Variants in TBL1XR1 observed in about 807,000 individuals in gnomAD.
The protein encoded by TBL1XR1 is F-box-like/WD repeat-containing protein TBL1XR1.
A neutral mutation model predicts 66.9 loss-of-function variants in TBL1XR1; 5 were observed. The ratio of observed to expected loss-of-function variants is 0.07; its 90% CI spans 0.04 to 0.16. TBL1XR1 has a LOEUF of 0.16. Among genes scored for constraint, TBL1XR1 ranks in the 10% least tolerant of loss-of-function variants. TBL1XR1 has a pLI of 1.00. For synonymous variants in TBL1XR1, 210 were observed against 206.0 expected (o/e 1.02, Z -0.17); for missense variants, 238 against 623.2 (o/e 0.38, Z 6.58).
At chr3:177,053,974 T>C (rs1717448643) in intron 3 of TBL1XR1, 56 bp from the exon 4 acceptor site, 6 of 1,526,268 alleles carry the variant, frequency 3.9e-6, no homozygotes, top group East Asian at 2.3e-5. Context: ...ACATGCTAAA[T>C]GACACAGAAA....
In TBL1XR1 at chr3:177,131,306, A is replaced by C. The variant is rs569331530; in HGVS notation, c.-121-32765T>G. 10 of 983,080 alleles carry C rather than the reference A, an allele frequency of 1.0e-5. No homozygotes were observed. The Admixed American group carries it at 6.1e-4, about 60-fold the overall frequency. The allele number at this position is 983,080 out of a possible 1,614,324, so 60.9% of individuals were successfully genotyped here. A position where few individuals can be genotyped will look rare whatever the true frequency, so the allele number is the denominator to read the frequency against. The stretch of plus-strand genomic sequence containing the variant: ...ATTTGCCTAATCATAAAGACCCTTA[A>C]GAGAGAGTCCAGGAAAAATAAAGAA... On this transcript the variant is annotated intron_variant, in intron 1 of 15. Transcript: ENST00000457928.
chr3:177,138,879 C>T (rs1043360379), intron 1 of TBL1XR1, among the ~76,000 whole-genome samples: 3 of 152,158 alleles, frequency 2.0e-5, no homozygotes, highest in African/African-American at 4.8e-5. Flanking sequence ...CTGCTGACTC[C>T]TCACCCATAC....
At chr3:177,028,142 A>G (rs1362802358) in intron 14 of TBL1XR1, among the ~76,000 whole-genome samples, 1 of 152,198 alleles carries the variant, frequency 6.6e-6, no homozygotes, top group African/African-American at 2.4e-5. Context: ...ATTTGTATGT[A>G]TGCTGGCACA....
Position 177,144,454 on chromosome 3 carries a change from T to C in TBL1XR1, c.-121-45913A>G, listed in dbSNP as rs1226263421. ...ACTACTCAACTGTGTAGTTGTGAAG[T>C]GAAAGCAGCCATAACCTGGCCGGGC... On this transcript the variant is annotated intron_variant, in intron 1 of 15. Coordinates refer to ENST00000457928, the MANE Select transcript of TBL1XR1 (RefSeq NM_024665.7). 5.3e-5 allele frequency among the ~76,000 whole-genome samples: 8 copies of C among 151,848 alleles called. No individual in the cohort carries two copies. In the East Asian group the frequency reaches 1.6e-3, roughly 29 times the overall value.
chr3:177,194,237 CCCT>C (rs1156724022), intron 1 of TBL1XR1: 2 of 152,210 alleles, frequency 1.3e-5, no homozygotes, highest in African/African-American at 4.8e-5. Context: ...AGGGTCCTAG[CCCT>C]CCTCTACTAC....
At chr3:177,193,273 A>G (rs145194236) in intron 1 of TBL1XR1, among the ~76,000 whole-genome samples, 6 of 152,328 alleles carry the variant, frequency 3.9e-5, no homozygotes, top group Non-Finnish European at 7.3e-5. Context: ...CCACTATGCT[A>G]CAACACAAAG....
Position 177,103,631 on chromosome 3 carries a change from A to G in TBL1XR1, c.-121-5090T>C, listed in dbSNP as rs115556407. 3.6e-3 allele frequency among the ~76,000 whole-genome samples: 544 copies of G among 152,288 alleles called. 4 individuals carry two copies. Among genetic ancestry groups the G allele is most frequent in the African/African-American group, 0.012 (503 of 41,556 alleles). Reference sequence around the variant, plus strand: ...GCAGTCTCTAGAAGTAAATTTATTTAATTTATAGATAACTTTGAAAAGCTA... The same window carrying G: ...GCAGTCTCTAGAAGTAAATTTATTTGATTTATAGATAACTTTGAAAAGCTA... On this transcript the variant is annotated intron_variant, in intron 1 of 15. Transcript: ENST00000457928.
intron 1 of TBL1XR1, among the ~76,000 whole-genome samples, chr3:177,192,411 A>G (rs547780267): frequency 8.6e-5 from 13 of 151,714 alleles, no homozygotes; most frequent in African/African-American, 1.7e-4. Flanking sequence ...AAAAAAAAAA[A>G]AAAGAAAGAA....
At chr3:177,045,540 G>A (rs1716213593) in intron 10 of TBL1XR1, among the ~76,000 whole-genome samples, 1 of 152,096 alleles carries the variant, frequency 6.6e-6, no homozygotes, top group Non-Finnish European at 1.5e-5. Flanking sequence ...ACCACATTGA[G>A]TATTTCTTAA....
chr3:177,159,946 C>T (rs1731977433), intron 1 of TBL1XR1, among the ~76,000 whole-genome samples: 1 of 152,178 alleles, frequency 6.6e-6, no homozygotes, highest in Non-Finnish European at 1.5e-5. Flanking sequence ...AATACCACCA[C>T]ATTAATGCAT....
chr3:177,056,946 A>T (rs1401632611), intron 3 of TBL1XR1, among the ~76,000 whole-genome samples: 1 of 152,164 alleles, frequency 6.6e-6, no homozygotes. Context: ...AGCTACAGCT[A>T]GACTATTACT....
At chr3:177,038,066 G>A (rs374571422) in intron 12 of TBL1XR1, 32 bp downstream of exon 12, 46 of 1,600,716 alleles carry the variant, frequency 2.9e-5, no homozygotes, top group African/African-American at 2.7e-4. Context: ...GTGTGACACC[G>A]CCAACCCATT....
At chr3:177,082,894 T>C (rs1381767971) in intron 2 of TBL1XR1, among the ~76,000 whole-genome samples, 1 of 150,780 alleles carries the variant, frequency 6.6e-6, no homozygotes, top group Non-Finnish European at 1.5e-5. Context: ...TAGCTGGGAC[T>C]ACAGGCGACC....
At chr3:177,156,592 A>G in intron 1 of TBL1XR1, among the ~76,000 whole-genome samples, 1 of 149,070 alleles carries the variant, frequency 6.7e-6, no homozygotes, top group South Asian at 2.1e-4. Context: ...TATATATATA[A>G]AATTCTGACA....
chr3:177,179,296 C>A (rs190203187), intron 1 of TBL1XR1, among the ~76,000 whole-genome samples: 47 of 152,150 alleles, frequency 3.1e-4, no homozygotes, highest in Non-Finnish European at 6.2e-4. Flanking sequence ...ACTTTGAGCT[C>A]GACTATTGTT....
intron 10 of TBL1XR1, 93 bp from the exon 11 acceptor site, chr3:177,038,527 A>T (rs1217228012): frequency 2.5e-6 from 3 of 1,198,388 alleles, no homozygotes; most frequent in Non-Finnish European, 3.3e-6. Context: ...AATAAAATAT[A>T]CTAACAGGCA....
At chr3:177,112,856 A>G (rs920496119) in intron 1 of TBL1XR1, among the ~76,000 whole-genome samples, 7 of 152,030 alleles carry the variant, frequency 4.6e-5, no homozygotes, top group East Asian at 1.9e-4. Flanking sequence ...TACAAAAATT[A>G]GTCGGGCGTG....
Position 177,135,334 on chromosome 3 carries a change from T to TATAC in TBL1XR1, c.-121-36797_-121-36794dup, listed in dbSNP as rs1343347814. The stretch of plus-strand genomic sequence containing the variant: ...GTGTGTGTGTGTGTGTGTGTGTGTG[T>TATAC]ATACATATATATATATATATATATA... On this transcript the variant is annotated intron_variant, in intron 1 of 15. Transcript: ENST00000457928. Among the ~76,000 whole-genome samples, 50 of 49,936 alleles carry TATAC rather than the reference T, an allele frequency of 1.0e-3. 2 individuals carry two copies. The highest frequency in any genetic ancestry group is 1.8e-3 in the Admixed American group (6 of 3,314). 32.8% of individuals were successfully genotyped at this position (49,936 alleles called of 152,430 possible). A position where few individuals can be genotyped will look rare whatever the true frequency, so the allele number is the denominator to read the frequency against.
chr3:177,091,475 T>C (rs924522269), intron 2 of TBL1XR1, among the ~76,000 whole-genome samples: 1 of 152,114 alleles, frequency 6.6e-6, no homozygotes, highest in African/African-American at 2.4e-5. Flanking sequence ...ACATAGCTGA[T>C]CTGAGGACCA....
Sources: allele counts gnomAD v4.1 joint callset (sites outside exome capture counted in the v4.1 genomes callset), GRCh38; gene constraint gnomAD v4.1.1; transcripts MANE v1.5; gene names NCBI Gene and HGNC (gene_info 2026-07-23, HGNC 2026-07-21).